The following ZPBP variants were observed in gnomAD, a reference collection of about 807,000 sequenced individuals.
ZPBP encodes zona pellucida binding protein, also known as zona pellucida-binding protein 1.
In ZPBP, 26 loss-of-function variants were observed where a neutral mutation model predicts 44.8. That is an observed-to-expected ratio of 0.58 (90% CI 0.43 to 0.81). The LOEUF (loss-of-function observed/expected upper bound fraction) is 0.81, where lower values mean the gene tolerates loss of function less well. ZPBP is among the 30% of genes least tolerant of loss of function. The probability of loss-of-function intolerance (pLI) is 0.00; values close to 1 mark genes in which losing one functional copy is unlikely to be tolerated. For synonymous variants in ZPBP, 174 were observed against 153.2 expected (o/e 1.14, Z -1.00); for missense variants, 409 against 434.0 (o/e 0.94, Z 0.51).
intron 1 of ZPBP, among the ~76,000 whole-genome samples, chr7:49,903,588 T>C (rs949561940): frequency 1.3e-5 from 2 of 152,126 alleles, no homozygotes; most frequent in Non-Finnish European, 1.5e-5. Context: ...TTAAAGATGG[T>C]GGGGCCAGAG....
chr7:49,878,046 A>C (rs966152855), intron 2 of ZPBP, among the ~76,000 whole-genome samples: 53 of 152,164 alleles, frequency 3.5e-4, no homozygotes, highest in African/African-American at 1.3e-3. Flanking sequence ...CTGTGAGCTC[A>C]GAAGTTTTCT....
rs2886553 is a variant in ZPBP at position 50,023,169 on chromosome 7, G to A, written c.707-4853C>T. Among the ~76,000 whole-genome samples, 12 of 151,904 alleles carry A rather than the reference G, an allele frequency of 7.9e-5. No individual in the cohort carries two copies. In the South Asian group the frequency reaches 2.5e-3, roughly 32 times the overall value. ...CAGAGTCTCAATGACCTGGCGGAAG[G>A]GAAATACCAAATTCAAACCCCCTCT... On this transcript the variant is annotated intron_variant, in intron 5 of 7. Coordinates refer to ENST00000046087, the MANE Select transcript of ZPBP (RefSeq NM_007009.3).
chr7:50,051,617 T>C (rs1800703581), intron 4 of ZPBP, among the ~76,000 whole-genome samples: 1 of 151,982 alleles, frequency 6.6e-6, no homozygotes, highest in African/African-American at 2.4e-5. Context: ...CACCATGAAA[T>C]ACTATGCAGC....
chr7:50,090,566 T>A (rs1420560078), intron 1 of ZPBP, among the ~76,000 whole-genome samples: 2 of 151,854 alleles, frequency 1.3e-5, no homozygotes, highest in African/African-American at 4.8e-5. Context: ...TATGCATATA[T>A]ATGTGTATAT....
At chr7:49,981,561 T>TATTATATA (rs1796942728) in intron 7 of ZPBP, among the ~76,000 whole-genome samples, 1 of 68,112 alleles carries the variant, frequency 1.5e-5, no homozygotes, top group East Asian at 5.1e-4. Flanking sequence ...ATAAATTATA[T>TATTATATA]ATTATATAAT....
chr7:49,845,994 G>A (rs1309144274), downstream of ZPBP, among the ~76,000 whole-genome samples: 1 of 152,226 alleles, frequency 6.6e-6, no homozygotes, highest in African/African-American at 2.4e-5. Flanking sequence ...GTACAGTCAT[G>A]ATAAAAGACG....
At chr7:49,878,610 T>C (rs149078766) in intron 2 of ZPBP, among the ~76,000 whole-genome samples, 5,016 of 152,294 alleles carry the variant, frequency 0.033, 322 homozygotes, top group Admixed American at 0.16. Flanking sequence ...TTTTATTATA[T>C]AATGACATTC....
intron 2 of ZPBP, among the ~76,000 whole-genome samples, chr7:50,082,657 G>C (rs1434154534): frequency 6.6e-6 from 1 of 151,698 alleles, no homozygotes; most frequent in East Asian, 1.9e-4. Context: ...ACTTTTAAGA[G>C]ACTTCCTCTA....
chr7:50,028,315 T>C (rs576461120), intron 5 of ZPBP, among the ~76,000 whole-genome samples: 9 of 152,078 alleles, frequency 5.9e-5, no homozygotes, highest in South Asian at 2.1e-4. Context: ...TCTCATTTCA[T>C]ATAAAAGTAG....
intron 6 of ZPBP, among the ~76,000 whole-genome samples, chr7:50,008,559 C>T (rs1434704274): frequency 6.6e-6 from 1 of 151,908 alleles, no homozygotes; most frequent in Non-Finnish European, 1.5e-5. Context: ...CCCTTACTTG[C>T]CCAACAATCT....
chr7:50,029,848 T>C (rs150623164), intron 5 of ZPBP, among the ~76,000 whole-genome samples: 29 of 42,490 alleles, frequency 6.8e-4, no homozygotes, highest in Non-Finnish European at 9.4e-4. Flanking sequence ...GTTGTTGCTG[T>C]TGTTGTTGTT....
At chr7:49,855,568 C>A (rs900719682) in intron 2 of ZPBP, among the ~76,000 whole-genome samples, 9 of 152,148 alleles carry the variant, frequency 5.9e-5, no homozygotes, top group African/African-American at 2.2e-4. Flanking sequence ...GAGGAAGAGA[C>A]CTGCCAAGCA....
At chr7:49,962,811 A>T (rs1795909571) in intron 7 of ZPBP, among the ~76,000 whole-genome samples, 1 of 151,862 alleles carries the variant, frequency 6.6e-6, no homozygotes, top group Admixed American at 6.6e-5. Flanking sequence ...TTCTAGAAGA[A>T]AACAGAAAAA....
chr7:50,006,449 T>A (rs968962320), intron 6 of ZPBP, among the ~76,000 whole-genome samples: 11 of 152,092 alleles, frequency 7.2e-5, no homozygotes, highest in Non-Finnish European at 1.3e-4. Flanking sequence ...TCTAATTTAA[T>A]ATGATTAAAT....
intron 4 of ZPBP, among the ~76,000 whole-genome samples, chr7:50,033,711 G>T (rs1344669646): frequency 1.0e-4 from 4 of 38,808 alleles, no homozygotes; most frequent in Non-Finnish European, 1.8e-4. Context: ...TATTTATTTA[G>T]AGATGGAGTT....
At chr7:49,954,503 T>C (rs1481364656) in intron 7 of ZPBP, among the ~76,000 whole-genome samples, 1 of 152,050 alleles carries the variant, frequency 6.6e-6, no homozygotes, top group Non-Finnish European at 1.5e-5. Context: ...ACTTTGCAAA[T>C]TGGCAAAGCA....
At chr7:50,024,360 T>A (rs1490647255) in intron 5 of ZPBP, among the ~76,000 whole-genome samples, 1 of 152,042 alleles carries the variant, frequency 6.6e-6, no homozygotes, top group Non-Finnish European at 1.5e-5. Flanking sequence ...TATGCTCCCA[T>A]GTTCACTGCA....
intron 3 of ZPBP, among the ~76,000 whole-genome samples, chr7:50,069,208 T>A (rs570292096): frequency 2.0e-5 from 3 of 152,310 alleles, no homozygotes; most frequent in South Asian, 4.1e-4. Context: ...AATGGGTAGA[T>A]TGGAATGTAG....
intron 4 of ZPBP, among the ~76,000 whole-genome samples, chr7:50,048,205 T>C (rs1800484413): frequency 6.6e-6 from 1 of 152,128 alleles, no homozygotes; most frequent in Admixed American, 6.6e-5. Flanking sequence ...AAAAGGTCAG[T>C]ATATCAGGAA....
Sources: allele counts gnomAD v4.1 joint callset (sites outside exome capture counted in the v4.1 genomes callset), GRCh38; gene constraint gnomAD v4.1.1; transcripts MANE v1.5; gene names NCBI Gene and HGNC (gene_info 2026-07-23, HGNC 2026-07-21).